PRKN: variants seen among roughly 807,000 people sequenced by gnomAD.
PRKN encodes parkin RBR E3 ubiquitin protein ligase, also known as E3 ubiquitin-protein ligase parkin.
Under a neutral mutation model 59.5 loss-of-function variants are expected in PRKN, and 56 were observed. That is an observed-to-expected ratio of 0.94 (90% CI 0.76 to 1.18). The LOEUF is 1.18. PRKN is among the 50% of genes most tolerant of loss of function. The pLI is 0.00. For synonymous variants in PRKN, 250 were observed against 222.1 expected, an observed-to-expected ratio of 1.13 and a Z score of -1.12; for missense variants, 657 against 596.4, an observed-to-expected ratio of 1.10 and a Z score of -1.06.
At chr6:162,595,136 T>C (rs1191186790) in intron 1 of PRKN, among the ~76,000 whole-genome samples, 1 of 152,116 alleles carries the variant, frequency 6.6e-6, no homozygotes, top group Non-Finnish European at 1.5e-5. Flanking sequence ...ATCGTGCCAC[T>C]GCACTCCAGC....
At chr6:162,275,956 A>G (rs932625053) in intron 2 of PRKN, among the ~76,000 whole-genome samples, 3 of 152,290 alleles carry the variant, frequency 2.0e-5, no homozygotes, top group African/African-American at 7.2e-5. Flanking sequence ...CCTGTATGAC[A>G]AGAGACTCCA....
At chr6:162,450,285 T>G (rs144528169) in intron 1 of PRKN, among the ~76,000 whole-genome samples, 2,517 of 137,628 alleles carry the variant, frequency 0.018, 34 homozygotes, top group Non-Finnish European at 0.026. Flanking sequence ...AATGCCCCTT[T>G]GAGTGTAACA....
In PRKN at chr6:161,483,699, T is replaced by C. The variant is rs527855465; in HGVS notation, c.1083+65155A>G. On this transcript the variant is annotated intron_variant, in intron 9 of 11. Transcript: ENST00000366898. This position sits in a 1 kb window ranked among gnomAD's most constrained non-coding sequence, Gnocchi z 5.0. ...TACTCACTGTGACCTCTTCTACTTA[T>C]TTCTTAAGGCATGGGAGTGGCATAG... Among the ~76,000 whole-genome samples the C allele has an allele frequency of 2.0e-5, 3 of 152,310 alleles. No homozygotes were observed. In the East Asian group the frequency reaches 5.8e-4, roughly 29 times the overall value.
At chr6:162,658,658 C>CAAAAA (rs57853171) in intron 1 of PRKN, among the ~76,000 whole-genome samples, 3 of 109,090 alleles carry the variant, frequency 2.8e-5, no homozygotes, top group Admixed American at 1.0e-4. Flanking sequence ...GAGACTCTGT[C>CAAAAA]AAAAAAAAAA....
At chr6:162,397,273 G>A (rs953730109) in intron 2 of PRKN, among the ~76,000 whole-genome samples, 7 of 152,090 alleles carry the variant, frequency 4.6e-5, no homozygotes, top group Admixed American at 2.0e-4. Context: ...AGAAAAAGAA[G>A]CAAACTCGGG....
In PRKN at chr6:162,226,063, T is replaced by TTAATAATAA. The variant is rs746613563; in HGVS notation, c.413-24820_413-24812dup. On this transcript the variant is annotated intron_variant, in intron 3 of 11. Coordinates refer to ENST00000366898, the MANE Select transcript of PRKN (RefSeq NM_004562.3). ...AGGTAGGGAGAAGGCATCAATAAGT[T>TTAATAATAA]TAATAATAATAATAATAATAATAAT... Among the ~76,000 whole-genome samples, 175 of 141,220 alleles carry TTAATAATAA rather than the reference T, an allele frequency of 1.2e-3. 1 individual carries two copies. Among genetic ancestry groups the TTAATAATAA allele is most frequent in the African/African-American group, 3.3e-3 (127 of 38,022 alleles). 92.6% of individuals were successfully genotyped at this position (141,220 alleles called of 152,430 possible). A position where few individuals can be genotyped will look rare whatever the true frequency, so the allele number is the denominator to read the frequency against.
chr6:161,931,722 C>A (rs1286268686), intron 6 of PRKN, among the ~76,000 whole-genome samples: 2 of 152,072 alleles, frequency 1.3e-5, no homozygotes, highest in African/African-American at 4.8e-5. Flanking sequence ...TTTAAAAGCA[C>A]ACAAAATATT....
At position 161,706,653 on chromosome 6, in the gene PRKN, G is replaced by A. The variant is rs116940820; in HGVS notation, c.871+79119C>T. ...GCTGGAGTGCGGTGGCGCAATCTCG[G>A]TTGAAGCAATTCTCCTGTCTCAGCC... On this transcript the variant is annotated intron_variant, in intron 7 of 11. Transcript: ENST00000366898. Among the ~76,000 whole-genome samples the A allele has an allele frequency of 1.2e-4, 18 of 152,236 alleles. No homozygotes were observed. The East Asian group carries it at 3.1e-3, about 26-fold the overall frequency.
intron 9 of PRKN, among the ~76,000 whole-genome samples, chr6:161,539,576 A>G (rs1392175258): frequency 6.6e-6 from 1 of 152,214 alleles, no homozygotes; most frequent in Non-Finnish European, 1.5e-5. Context: ...TATTGGTCAC[A>G]TTGCTTTTAT....
chr6:161,620,441 G>A (rs190784082), intron 7 of PRKN, among the ~76,000 whole-genome samples: 272 of 152,240 alleles, frequency 1.8e-3, no homozygotes, highest in African/African-American at 3.4e-3. Context: ...AAAATTTCTC[G>A]ACCTGAACCT....
chr6:162,101,240 G>A (rs961988701), intron 4 of PRKN, among the ~76,000 whole-genome samples: 11 of 151,486 alleles, frequency 7.3e-5, no homozygotes, highest in African/African-American at 1.9e-4. Flanking sequence ...AATCCACTTT[G>A]GGTTGATTTT....
intron 7 of PRKN, among the ~76,000 whole-genome samples, chr6:161,648,863 T>G (rs1195276574): frequency 1.3e-5 from 2 of 152,170 alleles, no homozygotes; most frequent in Non-Finnish European, 2.9e-5. Flanking sequence ...TGGAAAATCC[T>G]CCAGAGTATG....
Position 161,470,296 on chromosome 6 carries a change from T to C in PRKN, c.1083+78558A>G, listed in dbSNP as rs1297135832. Reference sequence around the variant, plus strand: ...ATAGGCCCATTAGGGTATTATTTAATGTAGTCACTCATCTAAATCTTCATT... The same window carrying C: ...ATAGGCCCATTAGGGTATTATTTAACGTAGTCACTCATCTAAATCTTCATT... On this transcript the variant is annotated intron_variant, in intron 9 of 11. Coordinates refer to ENST00000366898, the MANE Select transcript of PRKN (RefSeq NM_004562.3). This position sits in a 1 kb window ranked among gnomAD's most constrained non-coding sequence, Gnocchi z 5.1. 2.6e-5 allele frequency among the ~76,000 whole-genome samples: 4 copies of C among 152,228 alleles called. No homozygotes were observed. The highest frequency in any genetic ancestry group is 5.9e-5 in the Non-Finnish European group (4 of 68,036).
chr6:162,258,824 T>G (rs575271346), intron 3 of PRKN, among the ~76,000 whole-genome samples: 29 of 152,348 alleles, frequency 1.9e-4, no homozygotes, highest in African/African-American at 7.0e-4. Context: ...AAGTCTTTAG[T>G]GTGACATGCT....
chr6:162,517,413 A>G (rs1468034219), intron 1 of PRKN, among the ~76,000 whole-genome samples: 1 of 148,744 alleles, frequency 6.7e-6, no homozygotes, highest in Non-Finnish European at 1.5e-5. Context: ...AGGCCCGACT[A>G]ATTTGTTTTT....
At chr6:162,093,197 G>T (rs1779579826) in intron 4 of PRKN, among the ~76,000 whole-genome samples, 1 of 152,262 alleles carries the variant, frequency 6.6e-6, no homozygotes, top group Admixed American at 6.5e-5. Flanking sequence ...AATCCTTCCA[G>T]ATAGCCTAAA....
intron 6 of PRKN, among the ~76,000 whole-genome samples, chr6:161,949,960 T>C (rs1033219317): frequency 6.6e-6 from 1 of 152,118 alleles, no homozygotes; most frequent in Non-Finnish European, 1.5e-5. Context: ...CATCTCCTCA[T>C]GGGGCAAAGT....
intron 3 of PRKN, among the ~76,000 whole-genome samples, chr6:162,260,927 G>A (rs1246585497): frequency 6.6e-6 from 1 of 151,924 alleles, no homozygotes; most frequent in Admixed American, 6.6e-5. Context: ...GTAAATATAG[G>A]GTTTGGTACC....
At chr6:162,145,160 A>T (rs766303068) in intron 4 of PRKN, among the ~76,000 whole-genome samples, 1 of 152,112 alleles carries the variant, frequency 6.6e-6, no homozygotes, top group Non-Finnish European at 1.5e-5. Flanking sequence ...ATAACCTTCA[A>T]TTTCCCTTTT....
Sources: allele counts gnomAD v4.1 joint callset (sites outside exome capture counted in the v4.1 genomes callset), GRCh38; gene constraint gnomAD v4.1.1; non-coding constraint Gnocchi (gnomAD v3.1); transcripts MANE v1.5; gene names NCBI Gene and HGNC (gene_info 2026-07-23, HGNC 2026-07-21).